FSD1L: variants seen among roughly 807,000 people sequenced by gnomAD.
The protein encoded by FSD1L is FSD1-like protein.
In FSD1L, 45 loss-of-function variants were observed where a neutral mutation model predicts 71.6. The observed-to-expected ratio is 0.63, with a 90% confidence interval of 0.49 to 0.81. FSD1L has a LOEUF of 0.81. Among genes scored for constraint, FSD1L ranks in the 30% least tolerant of loss-of-function variants. The probability of loss-of-function intolerance (pLI) is 0.00; values close to 1 mark genes in which losing one functional copy is unlikely to be tolerated. For synonymous variants in FSD1L, 197 were observed against 207.2 expected, an observed-to-expected ratio of 0.95 and a Z score of 0.42; for missense variants, 561 against 618.1, an observed-to-expected ratio of 0.91 and a Z score of 0.98.
At chr9:105,544,478 G>A (rs1052170230) in intron 13 of FSD1L, among the ~76,000 whole-genome samples, 18 of 152,136 alleles carry the variant, frequency 1.2e-4, no homozygotes, top group Admixed American at 2.6e-4. Context: ...TGCTTTTGGT[G>A]TTTCAGACAT....
At chr9:105,485,350 T>C (rs2131713191) in intron 7 of FSD1L, among the ~76,000 whole-genome samples, 1 of 152,246 alleles carries the variant, frequency 6.6e-6, no homozygotes, top group South Asian at 2.1e-4. Context: ...TTAACCTCAC[T>C]TTGTAAGAAC....
intron 7 of FSD1L, among the ~76,000 whole-genome samples, chr9:105,505,896 T>C (rs1415809794): frequency 6.6e-6 from 1 of 152,242 alleles, no homozygotes; most frequent in Non-Finnish European, 1.5e-5. Flanking sequence ...CTATGAAATA[T>C]GTCTTTCATG....
At chr9:105,505,944 C>G (rs1239492069) in intron 7 of FSD1L, among the ~76,000 whole-genome samples, 1 of 152,114 alleles carries the variant, frequency 6.6e-6, no homozygotes, top group African/African-American at 2.4e-5. Flanking sequence ...AAATGTGGCT[C>G]ATTTACTTCA....
upstream of FSD1L, among the ~76,000 whole-genome samples, chr9:105,444,786 CCT>C (rs1829607604): frequency 6.6e-6 from 1 of 152,150 alleles, no homozygotes; most frequent in Admixed American, 6.5e-5. Context: ...CTCCCCGACC[CCT>C]TTTTTTGTAA....
intron 1 of FSD1L, among the ~76,000 whole-genome samples, chr9:105,460,550 C>T (rs1830623769): frequency 6.7e-6 from 1 of 149,770 alleles, no homozygotes; most frequent in Non-Finnish European, 1.5e-5. Context: ...CGAGATTGCA[C>T]CACTGCACTC....
intron 7 of FSD1L, among the ~76,000 whole-genome samples, chr9:105,498,190 T>TTATTA (rs1554708757): frequency 2.8e-5 from 4 of 143,436 alleles, no homozygotes; most frequent in South Asian, 2.2e-4. Flanking sequence ...TTGCTTTGGC[T>TTATTA]TTATTATTAT....
At chr9:105,465,339 A>G (rs1291557251) in intron 3 of FSD1L, among the ~76,000 whole-genome samples, 1 of 152,232 alleles carries the variant, frequency 6.6e-6, no homozygotes, top group Non-Finnish European at 1.5e-5. Context: ...TAAAGAACTA[A>G]TATCAGTTAT....
chr9:105,467,678 C>G (rs886158753), intron 3 of FSD1L, among the ~76,000 whole-genome samples: 1 of 152,170 alleles, frequency 6.6e-6, no homozygotes, highest in Non-Finnish European at 1.5e-5. Flanking sequence ...GTTTATCTTA[C>G]ACAAATGCAG....
chr9:105,484,264 T>C (rs1832392261), intron 6 of FSD1L, 117 bp from the exon 7 acceptor site: 3 of 699,058 alleles, frequency 4.3e-6, no homozygotes, highest in Non-Finnish European at 6.2e-6. Context: ...ACTTTTAACT[T>C]TTATTATAGT....
upstream of FSD1L, chr9:105,447,998 G>T: frequency 1.8e-6 from 1 of 554,776 alleles, no homozygotes; most frequent in African/African-American, 2.0e-5. Flanking sequence ...GCGCAGGCGC[G>T]GTGCGCTCCT....
At chr9:105,525,763 G>A in intron 10 of FSD1L, 1 of 1,604,608 alleles carries the variant, frequency 6.2e-7, no homozygotes, top group Non-Finnish European at 8.5e-7. Context: ...TGAAGATTTT[G>A]TAGCTGGTCT....
chr9:105,520,944 G>A (rs1332082906), intron 10 of FSD1L: 16 of 1,611,704 alleles, frequency 9.9e-6, no homozygotes, highest in Non-Finnish European at 1.4e-5. Flanking sequence ...GAAGAACAAA[G>A]AAAACCAAGA....
chr9:105,461,586 A>G lies in FSD1L; in HGVS notation c.82A>G (p.Ile28Val), dbSNP rs749065352. Residue 28 changes from isoleucine to valine, a missense_variant, in exon 2 of 14, where the codon ATT (isoleucine) becomes GTT (valine). Physicochemically the swap from Ile to Val is conservative, Grantham distance 29. Around this residue, in one of 3 missense-constraint regions of FSD1L, gnomAD observed 410 missense variants for 413.5 expected, o/e 0.99. Coordinates refer to ENST00000481272, the MANE Select transcript of FSD1L (RefSeq NM_001145313.3). ...CTGTTTTCTGATCTCTAACATCACT[A>G]TTGGACCAGAGTCTATTAACTTGCA... ...KACFLISNIT[I>V]GPESINLQQE... 7.1e-6 allele frequency: 11 copies of G among 1,551,370 alleles called. No individual in the cohort carries two copies. In the East Asian group the frequency reaches 1.2e-4, roughly 17 times the overall value.
chr9:105,546,399 T>C lies in FSD1L; in HGVS notation c.1509T>C (p.Val503=), dbSNP rs1345141161. 2 of 1,550,416 alleles carry C rather than the reference T, an allele frequency of 1.3e-6. No homozygotes were observed. Among genetic ancestry groups the C allele is most frequent in the Non-Finnish European group, 1.7e-6 (2 of 1,146,162 alleles). Residue 503 remains valine, a synonymous_variant, in exon 14 of 14, where the codon GTT becomes GTC. Transcript: ENST00000481272. Reference sequence around the variant, plus strand: ...TTTCTTTGAGTACTGGGATGCAGGTTCCAAGTGCTGTGAGAACACTTCAGA... The same window carrying C: ...TTTCTTTGAGTACTGGGATGCAGGTCCCAAGTGCTGTGAGAACACTTCAGA... ...GGLSLSTGMQ[V]PSAVRTLQKS...
chr9:105,448,015 C>T (rs887693662), upstream of FSD1L: 16 of 598,222 alleles, frequency 2.7e-5, no homozygotes, highest in Admixed American at 4.8e-4. Flanking sequence ...TCCTCAGCCC[C>T]TCCCTTCTGC....
chr9:105,481,180 G>GTGTGTGTGT (rs1564098382), intron 6 of FSD1L, among the ~76,000 whole-genome samples: 1 of 30,770 alleles, frequency 3.2e-5, no homozygotes. Context: ...TGTGTGTGTG[G>GTGTGTGTGT]TTCTTTTTTT....
At chr9:105,472,456 T>C (rs1474307111) in intron 5 of FSD1L, 1 of 154,114 alleles carries the variant, frequency 6.5e-6, no homozygotes, top group Non-Finnish European at 1.4e-5. Context: ...TCCTGGTGTT[T>C]AAGTGATTGT....
In FSD1L at chr9:105,535,088, GACA is replaced by G. The variant is rs1382721498; in HGVS notation, c.1152_1154del (p.Gln384del). The G allele has an allele frequency of 6.4e-7, 1 of 1,551,524 alleles. No homozygotes were observed. Among genetic ancestry groups the G allele is most frequent in the Admixed American group, 2.0e-5 (1 of 50,984 alleles). ...GTAGGAGACACTGCTATTGAAAGTG[GACA>G]ACATTATTGGGAGGTCAAGGCCCAG... On this transcript the variant is annotated inframe_deletion, in exon 12 of 14. Transcript: ENST00000481272.
At chr9:105,451,936 A>C (rs1446035717) in intron 1 of FSD1L, among the ~76,000 whole-genome samples, 1 of 152,154 alleles carries the variant, frequency 6.6e-6, no homozygotes, top group Non-Finnish European at 1.5e-5. Context: ...GTGGAGAGGA[A>C]GGGAGATGAG....
Sources: allele counts gnomAD v4.1 joint callset (sites outside exome capture counted in the v4.1 genomes callset), GRCh38; gene constraint gnomAD v4.1.1; regional missense constraint gnomAD v4.1.1; transcripts MANE v1.5; gene names NCBI Gene and HGNC (gene_info 2026-07-23, HGNC 2026-07-21).